Variants in PCDH11X observed in about 807,000 individuals in gnomAD.
PCDH11X encodes the protein protocadherin-11 X-linked.
Under a neutral mutation model 53.3 loss-of-function variants are expected in PCDH11X, and 18 were observed. The ratio of observed to expected loss-of-function variants is 0.34; its 90% confidence interval spans 0.23 to 0.50. The LOEUF (loss-of-function observed/expected upper bound fraction) is 0.50. Among genes scored for constraint, PCDH11X ranks in the 20% least tolerant of loss-of-function variants. The pLI, the probability that PCDH11X is intolerant of heterozygous loss-of-function variation, is 0.98. For synonymous variants in PCDH11X, 279 were observed against 393.3 expected (o/e 0.71, Z 3.44); for missense variants, 570 against 1,032.4 (o/e 0.55, Z 6.14).
At chrX:92,412,501 AG>A (rs1653417478) in intron 9 of PCDH11X, among the ~76,000 whole-genome samples, 1 of 66,351 alleles carries the variant, frequency 1.5e-5, no homozygotes, top group Non-Finnish European at 2.8e-5. Flanking sequence ...ATCAAAATAA[AG>A]AAAATAGTAT....
intron 10 of PCDH11X, among the ~76,000 whole-genome samples, chrX:92,472,317 A>G (rs991728697): frequency 1.0e-4 from 11 of 107,210 alleles, no homozygotes; most frequent in Non-Finnish European, 1.7e-4. Context: ...AATCTTCTGC[A>G]TATGCCAGTT....
chrX:92,503,713 T>C (rs1474514187), intron 10 of PCDH11X, among the ~76,000 whole-genome samples: 2 of 109,381 alleles, frequency 1.8e-5, no homozygotes, highest in Non-Finnish European at 3.8e-5. Flanking sequence ...CAACACACAC[T>C]GGGCACCTGT....
At chrX:92,138,002 TC>T (rs1425181411) in intron 6 of PCDH11X, among the ~76,000 whole-genome samples, 1 of 98,389 alleles carries the variant, frequency 1.0e-5, no homozygotes, top group African/African-American at 3.7e-5. Context: ...ATGCTCTCCG[TC>T]CCCCCTCCTC....
chrX:92,456,322 G>T (rs2072907428), intron 9 of PCDH11X, among the ~76,000 whole-genome samples: 1 of 111,527 alleles, frequency 9.0e-6, no homozygotes, highest in African/African-American at 3.2e-5. Flanking sequence ...TAATTTCTGT[G>T]TGAATTCTAC....
intron 9 of PCDH11X, among the ~76,000 whole-genome samples, chrX:92,437,621 GCTTTTGAGT>G (rs1302690780): frequency 9.2e-6 from 1 of 108,956 alleles, no homozygotes; most frequent in African/African-American, 3.4e-5. Context: ...TACTATTATT[GCTTTTGAGT>G]CTTAAGTAAG....
intron 6 of PCDH11X, among the ~76,000 whole-genome samples, chrX:92,170,094 T>C: frequency 9.1e-6 from 1 of 110,445 alleles, no homozygotes; most frequent in Non-Finnish European, 1.9e-5. Context: ...GAGATAGAAA[T>C]AAAATAAAAA....
chrX:91,998,420 T>C (rs988337322), intron 6 of PCDH11X, among the ~76,000 whole-genome samples: 6 of 110,713 alleles, frequency 5.4e-5, no homozygotes, highest in Non-Finnish European at 7.6e-5. Flanking sequence ...ATTTGAGTCT[T>C]CTCTTGTTTT....
At chrX:91,982,541 C>T (rs1391963359) in intron 6 of PCDH11X, 1 of 423,895 alleles carries the variant, frequency 2.4e-6, no homozygotes, top group Non-Finnish European at 4.1e-6. Context: ...GGAGGGGTAA[C>T]ATATTTAGCA....
At chrX:92,088,811 T>A (rs1468341891) in intron 6 of PCDH11X, among the ~76,000 whole-genome samples, 13 of 111,483 alleles carry the variant, frequency 1.2e-4, no homozygotes, top group Non-Finnish European at 1.9e-5. Flanking sequence ...ATCCACTGGT[T>A]TTGGAGACTA....
chrX:92,101,829 A>C (rs2064259856), intron 6 of PCDH11X, among the ~76,000 whole-genome samples: 1 of 110,471 alleles, frequency 9.1e-6, no homozygotes, highest in African/African-American at 3.3e-5. Context: ...ATAATCCCTG[A>C]GGAGTAGTAG....
chrX:91,930,785 G>C (rs1447777069), intron 6 of PCDH11X, among the ~76,000 whole-genome samples: 2 of 103,442 alleles, frequency 1.9e-5, no homozygotes, highest in Admixed American at 2.2e-4. Flanking sequence ...GCTTAATTTG[G>C]CCCTTGATGC....
intron 8 of PCDH11X, among the ~76,000 whole-genome samples, chrX:92,385,645 G>A (rs971632263): frequency 9.1e-6 from 1 of 110,079 alleles, no homozygotes; most frequent in Non-Finnish European, 1.9e-5. Flanking sequence ...ACCAGCCTGG[G>A]CAACATGGTG....
At chrX:92,341,443 T>A (rs866521614) in intron 8 of PCDH11X, among the ~76,000 whole-genome samples, 1 of 111,791 alleles carries the variant, frequency 8.9e-6, no homozygotes, top group African/African-American at 3.3e-5. Context: ...TACCAGAGAC[T>A]GGGTAATTTA....
At position 92,024,723 on chromosome X, in the gene PCDH11X, A is replaced by C. The variant is rs1251546447; in HGVS notation, c.3033+145450A>C. On this transcript the variant is annotated intron_variant, in intron 6 of 10. Transcript: ENST00000682573. ...ATAGCCAAGACAATCCTAAGCAAAA[A>C]AAAAAAAAAAAAAACAAAACAAAAA... 1.8e-4 allele frequency among the ~76,000 whole-genome samples: 19 copies of C among 106,281 alleles called. No individual in the cohort carries two copies. The East Asian group carries it at 2.1e-3, about 12-fold the overall frequency. 92.3% of individuals were successfully genotyped at this position (106,281 alleles called of 115,157 possible). A position where few individuals can be genotyped will look rare whatever the true frequency, so the allele number is the denominator to read the frequency against.
Position 92,226,483 on chromosome X carries a change from G to A in PCDH11X, c.3114+25028G>A, listed in dbSNP as rs961047242. On this transcript the variant is annotated intron_variant, in intron 7 of 10. Transcript: ENST00000682573. The stretch of plus-strand genomic sequence containing the variant: ...CTATGACCCATAATCAAACAAGGTA[G>A]TATAGCGAATTTCTTTACGGCCAGT... Among the ~76,000 whole-genome samples the A allele has an allele frequency of 3.6e-5, 4 of 111,771 alleles. No homozygotes were observed. The South Asian group carries it at 1.5e-3, about 42-fold the overall frequency.
At chrX:92,305,466 C>T (rs888174430) in intron 8 of PCDH11X, among the ~76,000 whole-genome samples, 2 of 109,409 alleles carry the variant, frequency 1.8e-5, no homozygotes, top group African/African-American at 6.7e-5. Flanking sequence ...TCTGGTGTCT[C>T]TTCCTCAGTC....
At chrX:92,263,736 C>T (rs957136889) in intron 8 of PCDH11X, among the ~76,000 whole-genome samples, 40 of 112,071 alleles carry the variant, frequency 3.6e-4, no homozygotes, top group African/African-American at 1.1e-3. Context: ...TTGCACCAAC[C>T]TAATGTATAT....
intron 9 of PCDH11X, among the ~76,000 whole-genome samples, chrX:92,424,732 T>G (rs2148618926): frequency 1.0e-5 from 1 of 97,653 alleles, no homozygotes; most frequent in South Asian, 4.1e-4. Flanking sequence ...CATCCCTGAG[T>G]GTGTTGCTTC....
At chrX:92,563,722 G>T (rs1306671738) in intron 10 of PCDH11X, among the ~76,000 whole-genome samples, 2 of 111,677 alleles carry the variant, frequency 1.8e-5, no homozygotes, top group African/African-American at 6.5e-5. Context: ...CAGTTTGAAA[G>T]AAAAATATAT....
Sources: gnomAD v4.1 joint callset for allele counts (sites outside exome capture counted in the v4.1 genomes callset) on GRCh38, gnomAD v4.1.1 for gene constraint, MANE v1.5 for transcripts, NCBI Gene and HGNC (gene_info 2026-07-23, HGNC 2026-07-21) for gene names.